RTCB: variants seen among roughly 807,000 people sequenced by gnomAD.
RTCB encodes RNA-splicing ligase RTCB.
RTCB carries 32 observed loss-of-function variants against 58.2 expected under a neutral mutation model. That is an observed-to-expected ratio of 0.55 (90% CI 0.41 to 0.74). RTCB has a LOEUF of 0.74. Ranked by LOEUF, RTCB falls within the 30% of genes least tolerant of loss-of-function variation. RTCB has a pLI of 0.00. For synonymous variants in RTCB, 247 were observed against 218.6 expected (o/e 1.13, Z -1.15); for missense variants, 523 against 639.0 (o/e 0.82, Z 1.96).
intron 11 of RTCB, among the ~76,000 whole-genome samples, chr22:32,388,481 T>C (rs955159744): frequency 6.6e-6 from 1 of 152,216 alleles, no homozygotes; most frequent in Admixed American, 6.5e-5. Flanking sequence ...TTTAATTTTC[T>C]TCCTTTATAT....
intron 4 of RTCB, among the ~76,000 whole-genome samples, chr22:32,404,841 G>A (rs1372307420): frequency 6.6e-6 from 1 of 151,012 alleles, no homozygotes; most frequent in Non-Finnish European, 1.5e-5. Context: ...CCCCATGCCC[G>A]GCTAATTTTT....
chr22:32,408,874 C>T (rs181227765), intron 1 of RTCB, 41 bp from the exon 2 acceptor site: 52 of 1,422,680 alleles, frequency 3.7e-5, no homozygotes, highest in Non-Finnish European at 1.7e-5. Flanking sequence ...TGAGTACATG[C>T]GCGGCAAGTG....
intron 3 of RTCB, chr22:32,407,567 T>C (rs1324114044): frequency 1.3e-5 from 2 of 152,282 alleles, no homozygotes; most frequent in African/African-American, 4.8e-5. Context: ...AAACTTACAT[T>C]GAAACAGTGA....
At position 32,392,261 on chromosome 22, in the gene RTCB, T is replaced by A. The variant is rs13110; in HGVS notation, c.1389A>T (p.Ser463=). 7.1e-3 allele frequency: 11,432 copies of A among 1,611,980 alleles called. 566 individuals are homozygous for A. The African/African-American group carries it at 0.12, about 17-fold the overall frequency. ...TTACCTCTTCCATAACCAGTTTGGG[T>A]GAGGCAACACGGATCGCAATTCCCA... The part of the protein sequence containing the change: ...ADMGIAIRVA[S]PKLVMEEAPE... The change falls in exon 11 of 12, where the codon TCA becomes TCT. Residue 463 remains serine, a synonymous_variant. Transcript: ENST00000216038.
At chr22:32,395,280 T>C in intron 8 of RTCB, 66 bp from the exon 9 acceptor site, 1 of 1,378,226 alleles carries the variant, frequency 7.3e-7, no homozygotes, top group Non-Finnish European at 1.0e-6. Context: ...TCTTCGTGAC[T>C]CATCTCACTG....
chr22:32,394,026 A>G, intron 9 of RTCB, 24 bp from the exon 10 acceptor site: 1 of 1,508,544 alleles, frequency 6.6e-7, no homozygotes, highest in Non-Finnish European at 9.2e-7. Context: ...TAAATCAAAC[A>G]TGTTAAAATT....
chr22:32,395,384 T>C (rs1933229072), intron 8 of RTCB, among the ~76,000 whole-genome samples, 170 bp from the exon 9 acceptor site: 1 of 152,220 alleles, frequency 6.6e-6, no homozygotes, highest in Non-Finnish European at 1.5e-5. Context: ...AGCTGTCCTT[T>C]AGACCACACA....
At chr22:32,388,427 T>C (rs1221122936) in intron 11 of RTCB, among the ~76,000 whole-genome samples, 1 of 152,150 alleles carries the variant, frequency 6.6e-6, no homozygotes, top group East Asian at 1.9e-4. Context: ...CCAACCATCA[T>C]ATGTTAGTGA....
rs1989350056 is a variant in RTCB, at chr22:32,396,085, A to G, written c.979T>C (p.Leu327=). The G allele has an allele frequency of 1.9e-6, 3 of 1,614,044 alleles. No individual in the cohort carries two copies. Among genetic ancestry groups the G allele is most frequent in the Non-Finnish European group, 2.5e-6 (3 of 1,179,924 alleles). ...AACTTCTACTGTACCTGACGGGTTAAGAAGGTCATGGAAGAGCGGTTGACC... is the reference window on the plus strand; with the variant it reads ...AACTTCTACTGTACCTGACGGGTTAGGAAGGTCATGGAAGAGCGGTTGACC... ...AWVNRSSMTF[L]TRQAFAKVFN... is the part of the protein sequence containing the mutation. Residue 327 remains leucine, a synonymous_variant, in exon 8 of 12, where the codon TTA becomes CTA. Transcript: ENST00000216038.
At chr22:32,397,371 A>G (rs138667866) in intron 7 of RTCB, among the ~76,000 whole-genome samples, 17 of 152,336 alleles carry the variant, frequency 1.1e-4, no homozygotes, top group Middle Eastern at 3.4e-3. Context: ...CACTGGGTCC[A>G]TGAAGCCATC....
Position 32,391,016 on chromosome 22 carries a change from A to C in RTCB, c.1410+1224T>G, listed in dbSNP as rs572884143. Reference sequence around the variant, plus strand: ...CACCTGGCTAATCTTTGGCCAAACTAATCTTGAACTCCTGGCCTCAAGAGA... The same window carrying C: ...CACCTGGCTAATCTTTGGCCAAACTCATCTTGAACTCCTGGCCTCAAGAGA... On this transcript the variant is annotated intron_variant, in intron 11 of 11. Transcript: ENST00000216038. Among the ~76,000 whole-genome samples, 14 of 152,260 alleles carry C rather than the reference A, an allele frequency of 9.2e-5. No individual in the cohort carries two copies. The South Asian group carries it at 2.7e-3, about 29-fold the overall frequency.
chr22:32,401,348 A>G (rs1415364305), intron 5 of RTCB, among the ~76,000 whole-genome samples: 6 of 151,910 alleles, frequency 3.9e-5, no homozygotes, highest in Non-Finnish European at 8.8e-5. Flanking sequence ...TTGGCCTCCC[A>G]AAGTGTTGGG....
At chr22:32,392,449 A>G (rs1037243716) in intron 10 of RTCB, 90 bp from the exon 11 acceptor site, 1 of 1,535,862 alleles carries the variant, frequency 6.5e-7, no homozygotes, top group African/African-American at 1.4e-5. Flanking sequence ...GGAGCTTAAA[A>G]AAACATCTTT....
In RTCB at chr22:32,395,016, A is replaced by C. The variant is rs2072818; in HGVS notation, c.1179+10T>G. 0.55 allele frequency: 882,746 copies of C among 1,600,144 alleles called. 248,165 individuals carry two copies. Among genetic ancestry groups the C allele is most frequent in the African/African-American group, 0.85 (63,525 of 74,750 alleles). Reference sequence around the variant, plus strand: ...CCACTGCTTAAAACTACAAACGTAGAGCTACGTACTTGGTAATCAACAGCA... The same window carrying C: ...CCACTGCTTAAAACTACAAACGTAGCGCTACGTACTTGGTAATCAACAGCA... On this transcript the variant is annotated intron_variant, in intron 9 of 11. Transcript: ENST00000216038.
chr22:32,390,610 G>A (rs1012925381), intron 11 of RTCB, among the ~76,000 whole-genome samples: 5 of 151,996 alleles, frequency 3.3e-5, no homozygotes, highest in African/African-American at 4.8e-5. Flanking sequence ...CACCACGCCC[G>A]GCTAATTTTT....
chr22:32,393,135 A>C (rs566461459), intron 10 of RTCB, among the ~76,000 whole-genome samples: 2 of 152,140 alleles, frequency 1.3e-5, no homozygotes, highest in South Asian at 4.1e-4. Flanking sequence ...GTGTCTTGCT[A>C]ATGTTGCCCA....
intron 7 of RTCB, among the ~76,000 whole-genome samples, chr22:32,396,666 G>A (rs1025103679): frequency 6.6e-6 from 1 of 152,206 alleles, no homozygotes; most frequent in African/African-American, 2.4e-5. Context: ...AACACTAGTT[G>A]ACACTTCGTA....
chr22:32,393,792 C>T, intron 10 of RTCB, 100 bp downstream of exon 10: 1 of 834,504 alleles, frequency 1.2e-6, no homozygotes, highest in Non-Finnish European at 2.0e-6. Context: ...GCCCAAGTCT[C>T]AACTCTGTTA....
chr22:32,404,835 A>G (rs920433166), intron 4 of RTCB, among the ~76,000 whole-genome samples: 2 of 148,880 alleles, frequency 1.3e-5, no homozygotes, highest in African/African-American at 2.5e-5. Flanking sequence ...GCATGCCCCC[A>G]TGCCCGGCTA....
Sources: gnomAD v4.1 joint callset for allele counts (sites outside exome capture counted in the v4.1 genomes callset) on GRCh38, gnomAD v4.1.1 for gene constraint, MANE v1.5 for transcripts, NCBI Gene and HGNC (gene_info 2026-07-23, HGNC 2026-07-21) for gene names.